MAPRE1: variants seen among roughly 807,000 people sequenced by gnomAD.
MAPRE1 encodes the protein microtubule-associated protein RP/EB family member 1.
Under a neutral mutation model 32.1 loss-of-function variants are expected in MAPRE1, and 5 were observed. The observed-to-expected ratio is 0.16, with a 90% CI of 0.08 to 0.33. MAPRE1 has a LOEUF of 0.33. Among genes scored for constraint, MAPRE1 ranks in the 10% least tolerant of loss-of-function variants. The pLI is 1.00. For synonymous variants in MAPRE1, 122 were observed against 118.9 expected, an observed-to-expected ratio of 1.03 and a Z score of -0.17; for missense variants, 209 against 327.2, an observed-to-expected ratio of 0.64 and a Z score of 2.79.
chr20:32,844,101 G>A (rs1462310632), intron 5 of MAPRE1, among the ~76,000 whole-genome samples: 2 of 152,266 alleles, frequency 1.3e-5, no homozygotes, highest in Non-Finnish European at 2.9e-5. Context: ...TGATCTGGCC[G>A]TCTTGGCCTC....
At chr20:32,834,857 C>T (rs1307454236) in intron 3 of MAPRE1, among the ~76,000 whole-genome samples, 2 of 152,094 alleles carry the variant, frequency 1.3e-5, no homozygotes, top group Non-Finnish European at 2.9e-5. Flanking sequence ...TCATGTAACT[C>T]AATGGTTAGC....
rs549394824 is a variant in MAPRE1, at chr20:32,824,135, A to G, written c.-3-1790A>G. 2.0e-5 allele frequency among the ~76,000 whole-genome samples: 3 copies of G among 152,348 alleles called. No homozygotes were observed. In the East Asian group the frequency reaches 5.8e-4, roughly 29 times the overall value. Reference sequence around the variant, plus strand: ...ATGATGTTTGTTGGTGTATTTGGTCAGTGTCAGACTTTGCACCACTAGAAT... The same window carrying G: ...ATGATGTTTGTTGGTGTATTTGGTCGGTGTCAGACTTTGCACCACTAGAAT... On this transcript the variant is annotated intron_variant, in intron 1 of 6. Coordinates refer to ENST00000375571, the MANE Select transcript of MAPRE1 (RefSeq NM_012325.3).
chr20:32,840,739 T>C (rs1446473251), intron 5 of MAPRE1, among the ~76,000 whole-genome samples: 1 of 152,224 alleles, frequency 6.6e-6, no homozygotes, highest in Non-Finnish European at 1.5e-5. Flanking sequence ...ATGCAGAACC[T>C]CTCATGACCC....
rs1983606439 is a variant in MAPRE1, at chr20:32,850,162, T to G, written c.*1434T>G. 1 of 152,632 alleles carries G rather than the reference T, an allele frequency of 6.6e-6. No homozygotes were observed. The highest frequency in any genetic ancestry group is 1.5e-5 in the Non-Finnish European group (1 of 68,048). 9.5% of individuals were successfully genotyped at this position (152,632 alleles called of 1,614,324 possible). ...CAAGTATTTTATGATAAAAATGTTG[T>G]GTAGTGCATGCTCTGTGTGGAATTC... On this transcript the variant is annotated 3_prime_UTR_variant, in exon 7 of 7. Transcript: ENST00000375571.
Position 32,833,785 on chromosome 20 carries a change from C to T in MAPRE1, c.190C>T (p.Gln64Ter). 1 of 1,614,070 alleles carries T rather than the reference C, an allele frequency of 6.2e-7. No homozygotes were observed. The highest frequency in any genetic ancestry group is 1.7e-5 in the Admixed American group (1 of 60,008). Residue 64 changes from glutamine (Q) to a stop codon, truncating the protein, a stop_gained, in exon 3 of 7, where the codon CAA (glutamine) becomes TAA (stop). Transcript: ENST00000375571. LOFTEE classifies it high-confidence loss of function. ...GSIALKKVKF[Q>*]AKLEHEYIQN... Reference sequence around the variant, plus strand: ...CATTGCCTTGAAGAAAGTGAAATTCCAAGCTAAGCTAGAACACGAGTACAT... The same window carrying T: ...CATTGCCTTGAAGAAAGTGAAATTCTAAGCTAAGCTAGAACACGAGTACAT...
intron 1 of MAPRE1, 79 bp from the exon 2 acceptor site, chr20:32,825,846 G>A (rs1982830700): frequency 8.2e-7 from 1 of 1,213,994 alleles, no homozygotes; most frequent in Non-Finnish European, 1.1e-6. Context: ...TTTGCTTTTG[G>A]TGACTCTCTA....
chr20:32,832,895 G>A (rs1983078260), intron 2 of MAPRE1, among the ~76,000 whole-genome samples: 1 of 139,462 alleles, frequency 7.2e-6, no homozygotes. Flanking sequence ...GGTGAGCCGA[G>A]ATCACGCCAC....
In MAPRE1 at chr20:32,849,023, T is replaced by G. The variant is rs1458057617; in HGVS notation, c.*295T>G. On this transcript the variant is annotated 3_prime_UTR_variant, in exon 7 of 7. Coordinates refer to ENST00000375571, the MANE Select transcript of MAPRE1 (RefSeq NM_012325.3). ...CGGGTCACACTGAATGCTGGAGAGATGTTATGTAATATGCTGAGGTGGCGA... is the reference window on the plus strand; with the variant it reads ...CGGGTCACACTGAATGCTGGAGAGAGGTTATGTAATATGCTGAGGTGGCGA... 11 of 254,304 alleles carry G rather than the reference T, an allele frequency of 4.3e-5. No homozygotes were observed. The East Asian group carries it at 8.3e-4, about 19-fold the overall frequency. 15.8% of individuals were successfully genotyped at this position (254,304 alleles called of 1,614,324 possible). A position where few individuals can be genotyped will look rare whatever the true frequency, so the allele number is the denominator to read the frequency against.
intron 2 of MAPRE1, among the ~76,000 whole-genome samples, chr20:32,831,405 TTTC>T (rs1390643995): frequency 3.3e-5 from 5 of 151,978 alleles, no homozygotes; most frequent in African/African-American, 1.2e-4. Context: ...AGAATGTTTC[TTTC>T]TTTTTTTTTT....
At chr20:32,820,273 G>T (rs1347275745) in intron 1 of MAPRE1, among the ~76,000 whole-genome samples, 1 of 152,036 alleles carries the variant, frequency 6.6e-6, no homozygotes, top group Non-Finnish European at 1.5e-5. Context: ...TACGCGGGGT[G>T]GGGGTTTCTG....
At chr20:32,841,750 T>G (rs1983370586) in intron 5 of MAPRE1, among the ~76,000 whole-genome samples, 1 of 151,596 alleles carries the variant, frequency 6.6e-6, no homozygotes, top group Non-Finnish European at 1.5e-5. Flanking sequence ...GAAGTAGGAG[T>G]GTCTCTGTCA....
chr20:32,835,364 G>GTTTTTT (rs71190879), intron 3 of MAPRE1, among the ~76,000 whole-genome samples: 1,825 of 106,510 alleles, frequency 0.017, 188 homozygotes, highest in African/African-American at 0.044. Flanking sequence ...TTTTATTGGT[G>GTTTTTT]TTTTTTTTTT....
At chr20:32,829,531 T>C (rs561500640) in intron 2 of MAPRE1, among the ~76,000 whole-genome samples, 104 of 152,328 alleles carry the variant, frequency 6.8e-4, no homozygotes, top group African/African-American at 2.3e-3. Context: ...CTCCTTGTGC[T>C]TACTGAGGCC....
intron 1 of MAPRE1, among the ~76,000 whole-genome samples, chr20:32,823,235 C>A (rs932318283): frequency 6.6e-6 from 1 of 152,154 alleles, no homozygotes; most frequent in Non-Finnish European, 1.5e-5. Flanking sequence ...CTTGGTGAGT[C>A]AGGAGGCTTG....
intron 2 of MAPRE1, among the ~76,000 whole-genome samples, chr20:32,827,839 G>A (rs1399774821): frequency 6.6e-6 from 1 of 151,136 alleles, no homozygotes; most frequent in Non-Finnish European, 1.5e-5. Flanking sequence ...AGGTTGCAGT[G>A]AGCCGAGATC....
intron 5 of MAPRE1, among the ~76,000 whole-genome samples, chr20:32,844,470 T>G (rs1271308905): frequency 1.5e-5 from 2 of 132,826 alleles, no homozygotes; most frequent in East Asian, 2.1e-4. Context: ...TTTTTTTTTT[T>G]GTGGCGTGAT....
intron 2 of MAPRE1, among the ~76,000 whole-genome samples, chr20:32,828,694 T>TG (rs1233835830): frequency 2.6e-5 from 4 of 152,206 alleles, no homozygotes; most frequent in Non-Finnish European, 5.9e-5. Flanking sequence ...GGTCATTTGA[T>TG]GGGGGCACAT....
intron 1 of MAPRE1, among the ~76,000 whole-genome samples, chr20:32,820,902 G>C (rs945095399): frequency 1.3e-5 from 2 of 152,194 alleles, no homozygotes; most frequent in Admixed American, 1.3e-4. Flanking sequence ...TCTAACAGTA[G>C]TAATGATAAT....
chr20:32,831,960 AAAAAC>A (rs1254115956), intron 2 of MAPRE1, among the ~76,000 whole-genome samples: 1 of 151,956 alleles, frequency 6.6e-6, no homozygotes, highest in African/African-American at 2.4e-5. Flanking sequence ...AAAAAAAAAA[AAAAAC>A]AAAAGAATGC....
Sources: allele counts gnomAD v4.1 joint callset (sites outside exome capture counted in the v4.1 genomes callset), GRCh38; gene constraint gnomAD v4.1.1; transcripts MANE v1.5; gene names NCBI Gene and HGNC (gene_info 2026-07-23, HGNC 2026-07-21).